BCAN: variants seen among roughly 807,000 people sequenced by gnomAD.
BCAN encodes the protein brevican core protein.
BCAN carries 51 observed loss-of-function variants against 92.4 expected under a neutral mutation model. The observed-to-expected ratio is 0.55, with a 90% confidence interval of 0.44 to 0.70. The LOEUF (loss-of-function observed/expected upper bound fraction) is 0.70, where lower values mean the gene tolerates loss of function less well. Among genes scored for constraint, BCAN ranks in the 30% least tolerant of loss-of-function variants. BCAN has a pLI of 0.00. For missense variants in BCAN, 1,140 were observed against 1,212.1 expected (o/e 0.94, Z 0.88); for synonymous variants, 501 against 505.2 (o/e 0.99, Z 0.11).
At chr1:156,653,407 T>C (rs1679241130) in intron 8 of BCAN, 2 of 997,496 alleles carry the variant, frequency 2.0e-6, no homozygotes, top group South Asian at 4.6e-5. Context: ...CTGTGAAGTA[T>C]TTTTTGACTG....
In BCAN at chr1:156,646,850, C is replaced by A. The variant is rs746195648; in HGVS notation, c.141C>A (p.Gly47=). 3 of 1,603,700 alleles carry A rather than the reference C, an allele frequency of 1.9e-6. No individual in the cohort carries two copies. Among genetic ancestry groups the A allele is most frequent in the Non-Finnish European group, 2.6e-6 (3 of 1,175,132 alleles). Residue 47 remains glycine (G), a synonymous_variant, in exon 3 of 14, where the codon GGC becomes GGA. Coordinates refer to ENST00000329117, the MANE Select transcript of BCAN (RefSeq NM_021948.5). ...TCGCGGGCGACGCGCCACTGCAGGGCGTGCTCGGCGGCGCCCTCACCATCC... is the reference window on the plus strand; with the variant it reads ...TCGCGGGCGACGCGCCACTGCAGGGAGTGCTCGGCGGCGCCCTCACCATCC... ...VRIAGDAPLQ[G]VLGGALTIPC... is the part of the protein sequence containing the mutation.
intron 10 of BCAN, 116 bp from the exon 11 acceptor site, chr1:156,657,559 G>A: frequency 1.3e-6 from 1 of 762,782 alleles, no homozygotes; most frequent in Non-Finnish European, 2.1e-6. Context: ...CCCGACAAGG[G>A]CGGGTGCTGG....
intron 10 of BCAN, 45 bp from the exon 11 acceptor site, chr1:156,657,630 C>T: frequency 1.3e-6 from 2 of 1,531,520 alleles, no homozygotes; most frequent in South Asian, 1.2e-5. Flanking sequence ...GGAACGGCCG[C>T]CATCTGCTGG....
rs768931092 is a variant in BCAN at position 156,648,562 on chromosome 1, A to G, written c.770-6A>G. 5.1e-6 allele frequency: 8 copies of G among 1,577,286 alleles called. No homozygotes were observed. In the South Asian group the frequency reaches 6.8e-5, roughly 13 times the overall value. ...CTGATAACCCAGCCTTCTCTTCTCC[A>G]CCCAGGAGAACTGTTCCTGGGTGAC... On this transcript the variant is annotated splice_polypyrimidine_tract_variant and splice_region_variant and intron_variant, in intron 5 of 13. Coordinates refer to ENST00000329117, the MANE Select transcript of BCAN (RefSeq NM_021948.5).
chr1:156,646,689 C>T (rs563830154), intron 2 of BCAN, 112 bp from the exon 3 acceptor site: 217 of 1,458,740 alleles, frequency 1.5e-4, no homozygotes, highest in Admixed American at 1.2e-3. Flanking sequence ...CCTAGGGGGG[C>T]CGGGGAATCC....
intron 6 of BCAN, among the ~76,000 whole-genome samples, chr1:156,649,532 T>G (rs1177253878): frequency 6.6e-6 from 1 of 151,914 alleles, no homozygotes; most frequent in Non-Finnish European, 1.5e-5. Context: ...ACCTCCGGAG[T>G]AGGTGGGACC....
At chr1:156,654,719 G>A (rs1679279849) in intron 8 of BCAN, among the ~76,000 whole-genome samples, 1 of 152,186 alleles carries the variant, frequency 6.6e-6, no homozygotes, top group African/African-American at 2.4e-5. Flanking sequence ...AAGGACAACA[G>A]GAGGGACAGG....
chr1:156,657,986 TC>T, intron 11 of BCAN, 140 bp from the exon 12 acceptor site: 1 of 1,040,906 alleles, frequency 9.6e-7, no homozygotes, highest in Non-Finnish European at 1.4e-6. Context: ...CCTTTCCCCT[TC>T]CCCGGGAGAT....
chr1:156,646,650 A>G (rs12737547), intron 2 of BCAN, 151 bp from the exon 3 acceptor site: 178,907 of 1,186,030 alleles, frequency 0.15, 20,178 homozygotes, highest in Non-Finnish European at 0.17. Context: ...GGGCTGCAGG[A>G]CCCTGGCCCC....
At position 156,658,117 on chromosome 1, in the gene BCAN, G is replaced by A; in HGVS notation, c.2293-10G>A. 6.2e-7 allele frequency: 1 copy of A among 1,612,580 alleles called. No homozygotes were observed. Among genetic ancestry groups the A allele is most frequent in the Non-Finnish European group, 8.5e-7 (1 of 1,179,224 alleles). ...GTAGGAGCTCCTCACCACCTCCTCC[G>A]TTCCCCCAGCTCTATGAGAACTGGA... On this transcript the variant is annotated splice_polypyrimidine_tract_variant and intron_variant, in intron 11 of 13. Coordinates refer to ENST00000329117, the MANE Select transcript of BCAN (RefSeq NM_021948.5). This position sits in a 1 kb window ranked among gnomAD's most constrained non-coding sequence, Gnocchi z 4.4.
chr1:156,647,577 G>T lies in BCAN; in HGVS notation c.536G>T (p.Cys179Phe). 1 of 1,612,844 alleles carries T rather than the reference G, an allele frequency of 6.2e-7. No homozygotes were observed. Among genetic ancestry groups the T allele is most frequent in the African/African-American group, 1.3e-5 (1 of 75,018 alleles). Reference sequence around the variant, plus strand: ...TCCTTTTCTGGGGCCCAGGAGGCCTGTGCCCGCATTGGAGCCCACATCGCC... The same window carrying T: ...TCCTTTTCTGGGGCCCAGGAGGCCTTTGCCCGCATTGGAGCCCACATCGCC... ...AFSFSGAQEA[C>F]ARIGAHIATP... is the part of the protein sequence containing the mutation. Residue 179 changes from cysteine to phenylalanine, a missense_variant, in exon 4 of 14, where the codon TGT becomes TTT. Cys to Phe is a radical substitution (Grantham distance 205). Transcript: ENST00000329117. This position sits in a 1 kb window ranked among gnomAD's most constrained non-coding sequence, Gnocchi z 4.8.
chr1:156,649,488 A>G (rs913141327), intron 6 of BCAN, among the ~76,000 whole-genome samples: 1 of 152,122 alleles, frequency 6.6e-6, no homozygotes, highest in African/African-American at 2.4e-5. Flanking sequence ...TTGTAGCCTC[A>G]ACCTCCCTGG....
chr1:156,657,964 T>A (rs1679393419), intron 11 of BCAN, among the ~76,000 whole-genome samples, 163 bp from the exon 12 acceptor site: 1 of 151,740 alleles, frequency 6.6e-6, no homozygotes, highest in Non-Finnish European at 1.5e-5. Context: ...TCCCCTAAAG[T>A]CCCTGCCCTC....
intron 1 of BCAN, chr1:156,643,599 C>A (rs1012300059): frequency 6.7e-6 from 1 of 149,662 alleles, no homozygotes; most frequent in Non-Finnish European, 1.5e-5. Flanking sequence ...TGTGTACACA[C>A]GTGCATGCCT....
chr1:156,654,403 G>A (rs945065359), intron 8 of BCAN, among the ~76,000 whole-genome samples: 5 of 152,210 alleles, frequency 3.3e-5, no homozygotes, highest in East Asian at 3.8e-4. Flanking sequence ...GGTGGGAAGA[G>A]GAGCACAATT....
Position 156,648,798 on chromosome 1 carries a change from C to G in BCAN, c.1000C>G (p.Leu334Val). ...CTTGCCTGGTGTCAAGACTCTCTTC[C>G]TCTTCCCCAACCAGACTGGCTTCCC... The part of the protein sequence containing the change: ...GGLPGVKTLF[L>V]FPNQTGFPNK... Residue 334 changes from leucine (L) to valine (V), a missense_variant, in exon 6 of 14, where the codon CTC becomes GTC. Leu to Val is a conservative substitution (Grantham distance 32). This residue lies in a region of BCAN where 825 missense variants were observed against 871.8 expected (regional missense o/e 0.95). Transcript: ENST00000329117. 2 of 1,600,318 alleles carry G rather than the reference C, an allele frequency of 1.2e-6. No individual in the cohort carries two copies. Among genetic ancestry groups the G allele is most frequent in the South Asian group, 2.2e-5 (2 of 90,604 alleles).
chr1:156,648,724 G>A lies in BCAN; in HGVS notation c.926G>A (p.Gly309Asp), dbSNP rs1198887851. 6.2e-7 allele frequency: 1 copy of A among 1,613,582 alleles called. No homozygotes were observed. The highest frequency in any genetic ancestry group is 2.2e-5 in the East Asian group (1 of 44,878). Residue 309 changes from glycine (G) to aspartate (D), a missense_variant, in exon 6 of 14, where the codon GGC (glycine) becomes GAC (aspartate). Around this residue, in one of 3 missense-constraint regions of BCAN, gnomAD observed 825 missense variants for 871.8 expected, o/e 0.95. Transcript: ENST00000329117. ...DHCSPGWLADGSVRYPIVTPS... is the reference protein window; with the variant it reads ...DHCSPGWLADDSVRYPIVTPS... ...TGCAGCCCAGGGTGGCTAGCTGATGGCAGTGTGCGCTACCCCATCGTCACA... is the reference window on the plus strand; with the variant it reads ...TGCAGCCCAGGGTGGCTAGCTGATGACAGTGTGCGCTACCCCATCGTCACA...
At chr1:156,648,240 A>G in intron 5 of BCAN, 130 bp downstream of exon 5, 3 of 1,290,062 alleles carry the variant, frequency 2.3e-6, no homozygotes, top group Non-Finnish European at 3.2e-6. Flanking sequence ...TAAGGAGACA[A>G]TTGGTGTCCC....
At chr1:156,649,905 G>A (rs1459260082) in intron 6 of BCAN, 1 of 518,958 alleles carries the variant, frequency 1.9e-6, no homozygotes, top group Non-Finnish European at 3.8e-6. Context: ...TGAACCTCAG[G>A]GAGCACTTGG....
Sources: gnomAD v4.1 joint callset for allele counts (sites outside exome capture counted in the v4.1 genomes callset) on GRCh38, gnomAD v4.1.1 for gene constraint, gnomAD v4.1.1 regional missense constraint, Gnocchi (gnomAD v3.1) non-coding constraint, MANE v1.5 for transcripts, NCBI Gene and HGNC (gene_info 2026-07-23, HGNC 2026-07-21) for gene names.